MACROD2: variants seen among roughly 807,000 people sequenced by gnomAD.
MACROD2 encodes the protein mono-ADP ribosylhydrolase 2, also known as ADP-ribose glycohydrolase MACROD2.
In MACROD2, 36 loss-of-function variants were observed where a neutral mutation model predicts 70.4. The observed-to-expected ratio is 0.51, with a 90% CI of 0.39 to 0.68. The LOEUF is 0.68. Among genes scored for constraint, MACROD2 ranks in the 30% least tolerant of loss-of-function variants. MACROD2 has a pLI of 0.00. For missense variants in MACROD2, 496 were observed against 538.4 expected (o/e 0.92, Z 0.78); for synonymous variants, 172 against 178.8 (o/e 0.96, Z 0.30).
chr20:14,704,278 A>C (rs1308659856), intron 5 of MACROD2, among the ~76,000 whole-genome samples: 1 of 152,086 alleles, frequency 6.6e-6, no homozygotes, highest in African/African-American at 2.4e-5. Flanking sequence ...CCCTGAATAT[A>C]GCGTCCATTT....
Position 15,958,637 on chromosome 20 carries a change from GT to G in MACROD2, c.908-8915del, listed in dbSNP as rs540668972. ...GGAAATAAACCATCCAAGTATCCATGTGCACAAATGCATATGTCAGTGCTGT... is the reference window on the plus strand; with the variant it reads ...GGAAATAAACCATCCAAGTATCCATGGCACAAATGCATATGTCAGTGCTGT... On this transcript the variant is annotated intron_variant, in intron 12 of 17. Coordinates refer to ENST00000684519, the MANE Select transcript of MACROD2 (RefSeq NM_001351661.2). 1.2e-3 allele frequency among the ~76,000 whole-genome samples: 189 copies of G among 152,272 alleles called. 1 individual carries two copies. Among genetic ancestry groups the G allele is most frequent in the Middle Eastern group, 6.8e-3 (2 of 294 alleles).
At chr20:15,208,395 AC>A (rs1471629695) in intron 5 of MACROD2, among the ~76,000 whole-genome samples, 1 of 152,162 alleles carries the variant, frequency 6.6e-6, no homozygotes, top group Non-Finnish European at 1.5e-5. Flanking sequence ...TAGTTTTAAC[AC>A]CTGTGTCATC....
intron 4 of MACROD2, among the ~76,000 whole-genome samples, chr20:14,524,339 G>T (rs2085205419): frequency 6.6e-6 from 1 of 152,124 alleles, no homozygotes; most frequent in Non-Finnish European, 1.5e-5. Flanking sequence ...TAATTATGTG[G>T]TCTAATTCAC....
chr20:15,405,043 A>G (rs895572648), intron 6 of MACROD2, among the ~76,000 whole-genome samples: 1 of 152,220 alleles, frequency 6.6e-6, no homozygotes, highest in Non-Finnish European at 1.5e-5. Context: ...AATACCACAT[A>G]GTGTATGATT....
chr20:14,058,364 T>G (rs962306378), intron 2 of MACROD2, among the ~76,000 whole-genome samples: 1 of 152,088 alleles, frequency 6.6e-6, no homozygotes, highest in African/African-American at 2.4e-5. Flanking sequence ...CCTCTGCTAA[T>G]TGTTTGCCTA....
intron 8 of MACROD2, among the ~76,000 whole-genome samples, chr20:15,664,797 C>T (rs6110719): frequency 0.06 from 9,206 of 152,186 alleles, 549 homozygotes; most frequent in East Asian, 0.17. Context: ...CAGCTATCAT[C>T]CCAGTGGGTT....
At chr20:14,177,061 A>G (rs2081268345) in intron 3 of MACROD2, among the ~76,000 whole-genome samples, 1 of 152,198 alleles carries the variant, frequency 6.6e-6, no homozygotes, top group Non-Finnish European at 1.5e-5. Context: ...CTCTTTGTAT[A>G]CAAACACTCA....
Position 15,499,988 on chromosome 20 carries a change from GT to G in MACROD2, c.645+143del, listed in dbSNP as rs2047345322. The G allele has an allele frequency of 7.2e-6, 5 of 690,910 alleles. No homozygotes were observed. The East Asian group carries it at 8.2e-5, about 11-fold the overall frequency. The allele number at this position is 690,910 out of a possible 1,614,324, so 42.8% of individuals were successfully genotyped here. On this transcript the variant is annotated intron_variant, in intron 8 of 17. Transcript: ENST00000684519. ...ACCTAGCTGACCATTCTTCACTTGG[GT>G]TACATGAGTAATTAAATGTTTTTTG...
chr20:15,617,951 A>T (rs898835171), intron 8 of MACROD2, among the ~76,000 whole-genome samples: 3 of 152,226 alleles, frequency 2.0e-5, no homozygotes, highest in African/African-American at 7.2e-5. Context: ...AGCATGGAAC[A>T]TACCACATAT....
intron 5 of MACROD2, among the ~76,000 whole-genome samples, chr20:14,914,287 G>A (rs1456230048): frequency 1.3e-5 from 2 of 152,166 alleles, no homozygotes; most frequent in Admixed American, 6.5e-5. Context: ...TCTGTTAAGC[G>A]GGAGGGAGGT....
intron 3 of MACROD2, among the ~76,000 whole-genome samples, chr20:14,390,901 TATAA>T (rs1421630743): frequency 2.6e-5 from 4 of 152,096 alleles, no homozygotes; most frequent in African/African-American, 9.7e-5. Flanking sequence ...ATTCAAGAAA[TATAA>T]ATCAAAACCA....
chr20:15,364,863 G>A (rs1454182784), intron 6 of MACROD2, among the ~76,000 whole-genome samples: 1 of 152,172 alleles, frequency 6.6e-6, no homozygotes, highest in Middle Eastern at 3.2e-3. Context: ...TAGACAATGT[G>A]ACATATAATT....
Position 14,326,701 on chromosome 20 carries a change from T to C in MACROD2, c.272-166778T>C, listed in dbSNP as rs2082741330. On this transcript the variant is annotated intron_variant, in intron 3 of 17. Transcript: ENST00000684519. The surrounding 1 kb of genome is among the most constrained non-coding windows in gnomAD (Gnocchi z 5.5). ...ATCCAGTCGATAGAGCTGCCTTAGA[T>C]AAGAAAAAGCATTTGGGGGCACCCG... The C allele has an allele frequency of 6.2e-7, 1 of 1,613,714 alleles. No homozygotes were observed. Among genetic ancestry groups the C allele is most frequent in the African/African-American group, 1.3e-5 (1 of 75,004 alleles).
chr20:16,029,999 T>C (rs1478846819), intron 15 of MACROD2, among the ~76,000 whole-genome samples: 1 of 152,142 alleles, frequency 6.6e-6, no homozygotes, highest in African/African-American at 2.4e-5. Context: ...AGGAGCCACC[T>C]TCGCTCTCTG....
At chr20:14,440,977 A>G (rs2084115434) in intron 3 of MACROD2, among the ~76,000 whole-genome samples, 1 of 152,116 alleles carries the variant, frequency 6.6e-6, no homozygotes, top group Non-Finnish European at 1.5e-5. Context: ...TTTGCTAGAT[A>G]CCTTTGGACA....
At chr20:14,300,958 C>G (rs1382346720) in intron 3 of MACROD2, among the ~76,000 whole-genome samples, 1 of 152,188 alleles carries the variant, frequency 6.6e-6, no homozygotes, top group African/African-American at 2.4e-5. Flanking sequence ...AAAGCTGTGG[C>G]CGTCTTAATA....
intron 8 of MACROD2, among the ~76,000 whole-genome samples, chr20:15,612,530 T>A (rs1477285852): frequency 6.6e-6 from 1 of 152,204 alleles, no homozygotes; most frequent in Non-Finnish European, 1.5e-5. Flanking sequence ...TAACATTTTT[T>A]AAAAAACATA....
chr20:14,986,772 G>A (rs376540231), intron 5 of MACROD2, among the ~76,000 whole-genome samples: 6 of 152,120 alleles, frequency 3.9e-5, no homozygotes, highest in African/African-American at 1.2e-4. Context: ...TGTCTCTGCC[G>A]GATGTTTCAG....
At chr20:15,793,901 TATATA>T (rs902940118) in intron 8 of MACROD2, among the ~76,000 whole-genome samples, 16 of 147,462 alleles carry the variant, frequency 1.1e-4, no homozygotes, top group Middle Eastern at 7.2e-3. Context: ...TTTTATATAA[TATATA>T]ATATAAAAAT....
Sources: allele counts gnomAD v4.1 joint callset (sites outside exome capture counted in the v4.1 genomes callset), GRCh38; gene constraint gnomAD v4.1.1; non-coding constraint Gnocchi (gnomAD v3.1); transcripts MANE v1.5; gene names NCBI Gene and HGNC (gene_info 2026-07-23, HGNC 2026-07-21).